The following CELA3B variants were observed in gnomAD, a reference collection of about 807,000 sequenced individuals.
CELA3B encodes chymotrypsin-like elastase family member 3B.
In CELA3B, 34 loss-of-function variants were observed where a neutral mutation model predicts 37.2. The ratio of observed to expected loss-of-function variants is 0.91; its 90% CI spans 0.70 to 1.22. The LOEUF is 1.22. CELA3B is among the 50% of genes most tolerant of loss of function. The pLI, the probability that CELA3B is intolerant of heterozygous loss-of-function variation, is 0.00. For synonymous variants in CELA3B, 127 were observed against 143.5 expected, an observed-to-expected ratio of 0.89 and a Z score of 0.82; for missense variants, 340 against 363.1, an observed-to-expected ratio of 0.94 and a Z score of 0.52.
At chr1:21,995,145 T>TTTTTC (rs1158501090) in intron 4 of CELA3B, among the ~76,000 whole-genome samples, 1,326 of 91,584 alleles carry the variant, frequency 0.014, 79 homozygotes, top group African/African-American at 0.069. Context: ...CTTTTCTTTC[T>TTTTTC]TTTTTTTTTT....
intron 4 of CELA3B, chr1:21,998,039 C>T (rs1557870259): frequency 1.2e-5 from 5 of 414,700 alleles, no homozygotes; most frequent in Non-Finnish European, 2.5e-5. Context: ...ATAACACAAA[C>T]AAAAGTTATG....
chr1:21,993,557 T>A (rs1163363476), downstream of CELA3B, among the ~76,000 whole-genome samples: 2 of 151,262 alleles, frequency 1.3e-5, no homozygotes, highest in African/African-American at 4.9e-5. Context: ...TTAAAAAAAA[T>A]TTTTTTCTAC....
At chr1:21,997,002 A>T (rs1456467247) in intron 4 of CELA3B, among the ~76,000 whole-genome samples, 1 of 151,318 alleles carries the variant, frequency 6.6e-6, no homozygotes, top group Non-Finnish European at 1.5e-5. Context: ...TTCCAGCAAA[A>T]ATCTGAGAAT....
Position 21,980,872 on chromosome 1 carries a change from G to C in CELA3B, c.178G>C (p.Gly60Arg). ...CGGAAGCTTCTACCACACCTGTGGC[G>C]GTAGCCTCATCGCCCCCGACTGGGT... The part of the protein sequence containing the change: ...KSGSFYHTCG[G>R]SLIAPDWVVT... The change falls in exon 3 of 8, where the codon GGT becomes CGT. Residue 60 changes from glycine to arginine, a missense_variant. Transcript: ENST00000337107. 1.2e-6 allele frequency: 2 copies of C among 1,611,736 alleles called. No individual in the cohort carries two copies. Among genetic ancestry groups the C allele is most frequent in the South Asian group, 1.1e-5 (1 of 90,882 alleles).
chr1:21,992,963 G>A (rs555659569), downstream of CELA3B, among the ~76,000 whole-genome samples: 1 of 140,420 alleles, frequency 7.1e-6, no homozygotes, highest in African/African-American at 2.9e-5. Context: ...TTGAGACCTT[G>A]TCTCCAAAAA....
rs773275037 is a variant in CELA3B at position 21,984,227 on chromosome 1, C to T, written c.538C>T (p.Leu180=). The T allele has an allele frequency of 1.2e-6, 2 of 1,614,148 alleles. No homozygotes were observed. Among genetic ancestry groups the T allele is most frequent in the Non-Finnish European group, 1.7e-6 (2 of 1,179,992 alleles). The change falls in exon 6 of 8, where the codon CTG becomes TTG. Residue 180 remains leucine, a synonymous_variant. Transcript: ENST00000337107. ...PLPDKLQEAL[L]PVVDYEHCSR... ...CCCAGACAAGCTGCAGGAGGCCCTGCTGCCGGTGGTGGACTATGAACACTG... is the reference window on the plus strand; with the variant it reads ...CCCAGACAAGCTGCAGGAGGCCCTGTTGCCGGTGGTGGACTATGAACACTG...
At chr1:21,984,955 AT>A (rs1644829046) in intron 6 of CELA3B, among the ~76,000 whole-genome samples, 1 of 151,776 alleles carries the variant, frequency 6.6e-6, no homozygotes, top group Admixed American at 6.6e-5. Flanking sequence ...TAAAAAAAAA[AT>A]AATAATAAAG....
intron 2 of CELA3B, among the ~76,000 whole-genome samples, chr1:21,979,443 CTTTTCTTTTCT>C (rs1462707559): frequency 9.4e-5 from 10 of 106,440 alleles, no homozygotes; most frequent in African/African-American, 2.4e-4. Flanking sequence ...TTTTTCTTTT[CTTTTCTTTTCT>C]TTTTTTTTTT....
chr1:21,981,187 C>T lies in CELA3B; in HGVS notation c.362+15C>T, dbSNP rs143622107. 0.013 allele frequency: 20,142 copies of T among 1,610,004 alleles called. 156 individuals are homozygous for T. The highest frequency in any genetic ancestry group is 0.015 in the Non-Finnish European group (17,753 of 1,179,184). ...GTGGCCTGTGGGTGAGTGAATGCTCCGGTCTGGAACCCAGAGGCTCCTCTA... is the reference window on the plus strand; with the variant it reads ...GTGGCCTGTGGGTGAGTGAATGCTCTGGTCTGGAACCCAGAGGCTCCTCTA... On this transcript the variant is annotated intron_variant, in intron 4 of 7. Transcript: ENST00000337107.
intron 7 of CELA3B, among the ~76,000 whole-genome samples, chr1:21,989,003 A>C (rs1473825019): frequency 6.6e-6 from 1 of 152,056 alleles, no homozygotes; most frequent in Admixed American, 6.6e-5. Context: ...ATATATGTAT[A>C]TATATCTATG....
In CELA3B at chr1:21,997,221, C is replaced by T. The variant is rs1176825184; in HGVS notation, c.505-930C>T. ...CTAAAAATACAAAAAATTAGCCGGG[C>T]GTGGTGGTACATGCCTGTAACCCCA... On this transcript the variant is annotated intron_variant, in intron 4 of 4. Transcript: ENST00000400277. Among the ~76,000 whole-genome samples, 2 of 150,358 alleles carry T rather than the reference C, an allele frequency of 1.3e-5. 1 individual carries two copies. The highest frequency in any genetic ancestry group is 5.0e-5 in the African/African-American group (2 of 40,402).
intron 6 of CELA3B, 119 bp from the exon 7 acceptor site, chr1:21,986,412 C>G: frequency 2.4e-6 from 3 of 1,260,178 alleles, no homozygotes; most frequent in Non-Finnish European, 3.3e-6. Flanking sequence ...AAAAAATGAG[C>G]GAGCTAAGGC....
At chr1:21,991,607 A>T (rs1170946352), downstream of CELA3B, among the ~76,000 whole-genome samples, 2 of 150,414 alleles carry the variant, frequency 1.3e-5, no homozygotes, top group African/African-American at 4.9e-5. Flanking sequence ...AAGTGCTGGG[A>T]TTACAGGTGT....
At chr1:21,991,620 G>A (rs1056159042), downstream of CELA3B, among the ~76,000 whole-genome samples, 6 of 150,942 alleles carry the variant, frequency 4.0e-5, no homozygotes, top group African/African-American at 1.5e-4. Flanking sequence ...ACAGGTGTGA[G>A]CCACTGTGCC....
At chr1:21,989,592 A>G (rs878897839), downstream of CELA3B, among the ~76,000 whole-genome samples, 2,578 of 120,114 alleles carry the variant, frequency 0.021, 19 homozygotes, top group East Asian at 0.039. Flanking sequence ...ACCAGGAAAA[A>G]TGGGACAAGT....
Position 21,981,098 on chromosome 1 carries a change from C to G in CELA3B, c.288C>G (p.Pro96=). Residue 96 remains proline (P), a synonymous_variant, in exon 4 of 8, where the codon CCC becomes CCG. Coordinates refer to ENST00000337107, the MANE Select transcript of CELA3B (RefSeq NM_007352.4). ...ACGACCGTGCTGTGAAGGAGGGCCC[C>G]GAGCAGGTGATCCCCATCAACTCTG... The part of the protein sequence containing the change: ...GEYDRAVKEG[P]EQVIPINSGD... 6.2e-7 allele frequency: 1 copy of G among 1,613,584 alleles called. No individual in the cohort carries two copies. Among genetic ancestry groups the G allele is most frequent in the Non-Finnish European group, 8.5e-7 (1 of 1,180,022 alleles).
chr1:21,992,935 T>A (rs962440604), downstream of CELA3B, among the ~76,000 whole-genome samples: 7 of 146,710 alleles, frequency 4.8e-5, no homozygotes, highest in South Asian at 2.1e-4. Flanking sequence ...ACTGTACCAC[T>A]CCAGCCTGGG....
downstream of CELA3B, among the ~76,000 whole-genome samples, chr1:21,992,968 C>CA (rs569090847): frequency 2.3e-3 from 249 of 107,378 alleles, 4 homozygotes; most frequent in East Asian, 0.013. Flanking sequence ...ACCTTGTCTC[C>CA]AAAAAAAAAA....
downstream of CELA3B, among the ~76,000 whole-genome samples, chr1:21,989,666 GT>G (rs1265780109): frequency 2.0e-5 from 3 of 150,898 alleles, 1 homozygote; most frequent in African/African-American, 7.4e-5. Flanking sequence ...TATAAACATG[GT>G]AAAAATCTGC....
Sources: gnomAD v4.1 joint callset for allele counts (sites outside exome capture counted in the v4.1 genomes callset) on GRCh38, gnomAD v4.1.1 for gene constraint, MANE v1.5 for transcripts, NCBI Gene and HGNC (gene_info 2026-07-23, HGNC 2026-07-21) for gene names.